The following PRKN variants were observed in gnomAD, a reference collection of about 807,000 sequenced individuals.
PRKN encodes E3 ubiquitin-protein ligase parkin.
A neutral mutation model predicts 59.5 loss-of-function variants in PRKN; 56 were observed. That is an observed-to-expected ratio of 0.94 (90% confidence interval 0.76 to 1.18). PRKN has a LOEUF of 1.18. PRKN is among the 50% of genes most tolerant of loss of function. The probability of loss-of-function intolerance (pLI) is 0.00; values close to 1 mark genes in which losing one functional copy is unlikely to be tolerated. For synonymous variants in PRKN, 250 were observed against 222.1 expected, an observed-to-expected ratio of 1.13 and a Z score of -1.12; for missense variants, 657 against 596.4, an observed-to-expected ratio of 1.10 and a Z score of -1.06.
chr6:162,488,817 T>C (rs1259783512), intron 1 of PRKN, among the ~76,000 whole-genome samples: 2 of 152,174 alleles, frequency 1.3e-5, no homozygotes, highest in Non-Finnish European at 2.9e-5. Flanking sequence ...TAGGAATCCA[T>C]AGTCAAGCAA....
chr6:161,775,330 C>T (rs1454761849), intron 7 of PRKN, among the ~76,000 whole-genome samples: 1 of 152,004 alleles, frequency 6.6e-6, no homozygotes, highest in Non-Finnish European at 1.5e-5. Flanking sequence ...GCAACCTCAG[C>T]CTCCCAAGCT....
chr6:162,597,702 T>C (rs1781545154), intron 1 of PRKN, among the ~76,000 whole-genome samples: 2 of 152,190 alleles, frequency 1.3e-5, no homozygotes, highest in African/African-American at 4.8e-5. Context: ...ATATACAATT[T>C]TACTCTGCAC....
chr6:161,733,798 G>GTGTATATATATATATA (rs1787839642), intron 7 of PRKN, among the ~76,000 whole-genome samples: 5 of 122,384 alleles, frequency 4.1e-5, no homozygotes, highest in African/African-American at 1.6e-4. Flanking sequence ...ATATATATAT[G>GTGTATATATATATATA]TATATATATA....
At chr6:161,509,387 C>A (rs536269577) in intron 9 of PRKN, among the ~76,000 whole-genome samples, 1 of 151,712 alleles carries the variant, frequency 6.6e-6, no homozygotes, top group Non-Finnish European at 1.5e-5. Flanking sequence ...GGCAAAGCCT[C>A]GAAAAAGAGA....
intron 6 of PRKN, among the ~76,000 whole-genome samples, chr6:161,856,236 T>G (rs183736078): frequency 3.3e-5 from 5 of 152,072 alleles, no homozygotes; most frequent in African/African-American, 9.7e-5. Flanking sequence ...GGCGGGCACC[T>G]GTAATCCCAG....
chr6:162,052,336 ATCGTT>A (rs1246882381), intron 5 of PRKN, among the ~76,000 whole-genome samples: 1 of 151,898 alleles, frequency 6.6e-6, no homozygotes, highest in Non-Finnish European at 1.5e-5. Flanking sequence ...GATATTTCCA[ATCGTT>A]TTGTTTTGTT....
Position 162,201,702 on chromosome 6 carries a change from T to A in PRKN, c.413-450A>T, listed in dbSNP as rs1784738246. Reference sequence around the variant, plus strand: ...AAAAACCAGCCCATTTATCGTGATATAAATGATATGATCACAGTTTGCTGG... The same window carrying A: ...AAAAACCAGCCCATTTATCGTGATAAAAATGATATGATCACAGTTTGCTGG... On this transcript the variant is annotated intron_variant, in intron 3 of 11. Transcript: ENST00000366898. 2.0e-5 allele frequency among the ~76,000 whole-genome samples: 3 copies of A among 152,314 alleles called. No individual in the cohort carries two copies. In the South Asian group the frequency reaches 6.2e-4, roughly 32 times the overall value.
In PRKN at chr6:161,454,165, A is replaced by G. The variant is rs1789865103; in HGVS notation, c.1084-67288T>C. On this transcript the variant is annotated intron_variant, in intron 9 of 11. Coordinates refer to ENST00000366898, the MANE Select transcript of PRKN (RefSeq NM_004562.3). The surrounding 1 kb of genome is among the most constrained non-coding windows in gnomAD (Gnocchi z 4.6). ...ATGTACACAACTCGCTAGGGTTGCC[A>G]GCAGCATTTTGGCGATGTCCCCTTG... Among the ~76,000 whole-genome samples the G allele has an allele frequency of 1.3e-5, 2 of 152,180 alleles. No individual in the cohort carries two copies. The highest frequency in any genetic ancestry group is 2.9e-5 in the Non-Finnish European group (2 of 68,040).
At chr6:162,556,073 G>A (rs1779557165) in intron 1 of PRKN, among the ~76,000 whole-genome samples, 1 of 151,720 alleles carries the variant, frequency 6.6e-6, no homozygotes, top group South Asian at 2.1e-4. Flanking sequence ...CCTGAAAGCA[G>A]GGAGGCAGCT....
intron 6 of PRKN, among the ~76,000 whole-genome samples, chr6:161,867,338 G>T (rs1375784018): frequency 6.6e-6 from 1 of 152,066 alleles, no homozygotes; most frequent in African/African-American, 2.4e-5. Context: ...TTATTTATAG[G>T]CACTGGAAAT....
chr6:162,262,257 C>T (rs1779918885), intron 3 of PRKN, among the ~76,000 whole-genome samples: 1 of 152,058 alleles, frequency 6.6e-6, no homozygotes, highest in Admixed American at 6.6e-5. Context: ...GTTCTTTCTG[C>T]TTTTTAGAAT....
At chr6:162,150,846 CT>C (rs1258833779) in intron 4 of PRKN, among the ~76,000 whole-genome samples, 11 of 152,066 alleles carry the variant, frequency 7.2e-5, no homozygotes, top group African/African-American at 2.4e-4. Flanking sequence ...GTTATTTATT[CT>C]CCCCCACCAC....
chr6:161,500,304 T>C (rs374474779), intron 9 of PRKN, among the ~76,000 whole-genome samples: 1 of 152,302 alleles, frequency 6.6e-6, no homozygotes, highest in East Asian at 1.9e-4. Context: ...AAATGTACAT[T>C]GACACATCAT....
intron 6 of PRKN, among the ~76,000 whole-genome samples, chr6:161,909,413 T>G (rs541190687): frequency 6.6e-6 from 1 of 152,282 alleles, no homozygotes; most frequent in Non-Finnish European, 1.5e-5. Flanking sequence ...AAATGTTTTG[T>G]GTAACAATAA....
At chr6:161,885,519 G>C (rs1185282587) in intron 6 of PRKN, among the ~76,000 whole-genome samples, 1 of 151,998 alleles carries the variant, frequency 6.6e-6, no homozygotes, top group Non-Finnish European at 1.5e-5. Flanking sequence ...AAAAAAATTA[G>C]CCAGGCGTGG....
intron 1 of PRKN, among the ~76,000 whole-genome samples, chr6:162,608,437 C>A (rs919212505): frequency 1.3e-5 from 2 of 152,086 alleles, no homozygotes; most frequent in African/African-American, 4.8e-5. Context: ...CTAAATCTCC[C>A]AGGATAATGG....
At chr6:162,179,823 T>C (rs763684113) in intron 4 of PRKN, among the ~76,000 whole-genome samples, 2 of 152,120 alleles carry the variant, frequency 1.3e-5, no homozygotes, top group African/African-American at 2.4e-5. Flanking sequence ...GTTTTGAACA[T>C]TGTAAACACT....
intron 7 of PRKN, among the ~76,000 whole-genome samples, chr6:161,628,883 T>G (rs1299741210): frequency 6.6e-6 from 1 of 152,070 alleles, no homozygotes; most frequent in Non-Finnish European, 1.5e-5. Context: ...ATAACCAGAG[T>G]GCTGAGCAGG....
At chr6:161,694,728 C>G (rs969761) in intron 7 of PRKN, among the ~76,000 whole-genome samples, 119,365 of 152,116 alleles carry the variant, frequency 0.78, 47,000 homozygotes, top group East Asian at 0.86. Context: ...ACTTTTTCAC[C>G]TGGACCGTAT....
Sources: gnomAD v4.1 joint callset for allele counts (sites outside exome capture counted in the v4.1 genomes callset) on GRCh38, gnomAD v4.1.1 for gene constraint, Gnocchi (gnomAD v3.1) non-coding constraint, MANE v1.5 for transcripts, NCBI Gene and HGNC (gene_info 2026-07-23, HGNC 2026-07-21) for gene names.